Variants in GAN observed in about 807,000 individuals in gnomAD.
The protein encoded by GAN is gigaxonin.
A neutral mutation model predicts 71.3 loss-of-function variants in GAN; 48 were observed. The observed-to-expected ratio is 0.67, with a 90% confidence interval of 0.53 to 0.86. The LOEUF (loss-of-function observed/expected upper bound fraction) is 0.86. GAN is among the 40% of genes least tolerant of loss of function. The pLI is 0.00. For synonymous variants in GAN, 386 were observed against 276.8 expected (o/e 1.39, Z -3.92); for missense variants, 928 against 770.1 (o/e 1.21, Z -2.43).
In GAN at chr16:81,329,969, G is replaced by T. The variant is rs557675515; in HGVS notation, c.167+14689G>T. ...TGTCCTCCATTGACTGTGTGGGTTAGTATACTACCAGACTCCCCAGGAGAA... is the reference window on the plus strand; with the variant it reads ...TGTCCTCCATTGACTGTGTGGGTTATTATACTACCAGACTCCCCAGGAGAA... On this transcript the variant is annotated intron_variant, in intron 1 of 10. Transcript: ENST00000648994. Among the ~76,000 whole-genome samples, 14 of 152,306 alleles carry T rather than the reference G, an allele frequency of 9.2e-5. No homozygotes were observed. In the East Asian group the frequency reaches 1.5e-3, roughly 17 times the overall value.
rs368145366 is a variant in GAN at position 81,374,414 on chromosome 16, C to G, written c.1503-2805C>G. Among the ~76,000 whole-genome samples, 1,220 of 152,308 alleles carry G rather than the reference C, an allele frequency of 8.0e-3. 19 individuals are homozygous for G. The South Asian group carries it at 0.087, about 11-fold the overall frequency. On this transcript the variant is annotated intron_variant, in intron 9 of 10. Coordinates refer to ENST00000648994, the MANE Select transcript of GAN (RefSeq NM_022041.4). Reference sequence around the variant, plus strand: ...ACTGTCAAGCACTCATTTGAGCATCCACTGGTAGACCTAGCCTGCAGAAGT... The same window carrying G: ...ACTGTCAAGCACTCATTTGAGCATCGACTGGTAGACCTAGCCTGCAGAAGT...
intron 1 of GAN, among the ~76,000 whole-genome samples, chr16:81,332,742 C>G (rs1909625467): frequency 6.6e-6 from 1 of 152,186 alleles, no homozygotes; most frequent in African/African-American, 2.4e-5. Context: ...CTGGTGAGTA[C>G]TAGTCAGTTA....
chr16:81,324,055 A>G (rs937163763), intron 1 of GAN, among the ~76,000 whole-genome samples: 1 of 152,202 alleles, frequency 6.6e-6, no homozygotes, highest in Non-Finnish European at 1.5e-5. Context: ...TGAGCAGAGA[A>G]TAGATTTGCT....
At chr16:81,330,201 C>T (rs1471015122) in intron 1 of GAN, among the ~76,000 whole-genome samples, 1 of 152,210 alleles carries the variant, frequency 6.6e-6, no homozygotes, top group Non-Finnish European at 1.5e-5. Context: ...CTGCTCAGCC[C>T]CCGTCAGTCT....
intron 1 of GAN, among the ~76,000 whole-genome samples, chr16:81,328,860 C>G (rs1909477250): frequency 6.6e-6 from 1 of 152,088 alleles, no homozygotes; most frequent in South Asian, 2.1e-4. Context: ...CTTTGCAAGC[C>G]ACATGTGGTC....
At chr16:81,345,661 GT>G (rs1345902317) in intron 1 of GAN, among the ~76,000 whole-genome samples, 1 of 152,152 alleles carries the variant, frequency 6.6e-6, no homozygotes, top group African/African-American at 2.4e-5. Flanking sequence ...GGGTTAATGG[GT>G]TCAGCAAACC....
chr16:81,319,712 C>G (rs1909164126), intron 1 of GAN, among the ~76,000 whole-genome samples: 1 of 152,020 alleles, frequency 6.6e-6, no homozygotes, highest in Non-Finnish European at 1.5e-5. Context: ...CCCCCCGACC[C>G]CCCCTTATTT....
In GAN at chr16:81,383,261, T is replaced by G. The variant is rs1904316780; in HGVS notation, c.*5665T>G. 7.0e-6 allele frequency: 1 copy of G among 142,476 alleles called. No homozygotes were observed. 8.8% of individuals were successfully genotyped at this position (142,476 alleles called of 1,614,324 possible). A position where few individuals can be genotyped will look rare whatever the true frequency, so the allele number is the denominator to read the frequency against. On this transcript the variant is annotated 3_prime_UTR_variant, in exon 11 of 11. Transcript: ENST00000648994. ...CCCTCTCTTTTTTTTTTTTTTTTTT[T>G]TTTTTTTTTGAGACGGAGTCTCGCT...
Position 81,315,186 on chromosome 16 carries a change from G to C in GAN, c.73G>C (p.Glu25Gln). 2 of 1,574,616 alleles carry C rather than the reference G, an allele frequency of 1.3e-6. No individual in the cohort carries two copies. The highest frequency in any genetic ancestry group is 1.7e-6 in the Non-Finnish European group (2 of 1,162,860). The change falls in exon 1 of 11, where the codon GAG (glutamate) becomes CAG (glutamine). Residue 25 changes from glutamate to glutamine, a missense_variant. By Grantham distance (29) the Glu-to-Gln change is conservative. Coordinates refer to ENST00000648994, the MANE Select transcript of GAN (RefSeq NM_022041.4). ...GCTGCGAGCGCTCAGCTCTTTCCGC[G>C]AGGAGTCTCGCTTCTGCGACGCGCA... ...RLLRALSSFR[E>Q]ESRFCDAHLV... is the part of the protein sequence containing the mutation.
intron 9 of GAN, among the ~76,000 whole-genome samples, chr16:81,376,541 GTATATACACACATATACATA>G (rs1904280969): frequency 6.9e-6 from 1 of 144,114 alleles, no homozygotes; most frequent in African/African-American, 2.6e-5. Flanking sequence ...ATGTGTATAT[GTATATACACACATATACATA>G]TATATGTGTA....
intron 1 of GAN, among the ~76,000 whole-genome samples, chr16:81,338,795 G>C (rs17188615): frequency 0.21 from 32,133 of 152,148 alleles, 3,756 homozygotes; most frequent in Non-Finnish European, 0.27. Flanking sequence ...GACTGCTTCC[G>C]GATAGATTTG....
intron 1 of GAN, among the ~76,000 whole-genome samples, chr16:81,323,832 C>T (rs1909294340): frequency 6.6e-6 from 1 of 152,144 alleles, no homozygotes; most frequent in Non-Finnish European, 1.5e-5. Flanking sequence ...TCTTGTGCTG[C>T]CTGCCATTGG....
chr16:81,348,314 G>A (rs1294389239), intron 1 of GAN, among the ~76,000 whole-genome samples: 1 of 151,970 alleles, frequency 6.6e-6, no homozygotes, highest in African/African-American at 2.4e-5. Context: ...ACAATATCCT[G>A]TCTTTTCCCT....
At chr16:81,358,878 C>T (rs887057683) in intron 5 of GAN, among the ~76,000 whole-genome samples, 3 of 152,196 alleles carry the variant, frequency 2.0e-5, no homozygotes, top group Non-Finnish European at 2.9e-5. Context: ...TAATTGTGGT[C>T]AGCAGCCCTC....
rs192920655 is a variant in GAN at position 81,390,252 on chromosome 16, C to G, written c.*12656C>G. ...TCAGTAGGATAGTAGAGAAGTCGTG[C>G]TAAGTTGATTTCATTGAAATGTCAC... On this transcript the variant is annotated 3_prime_UTR_variant, in exon 11 of 11. Transcript: ENST00000648994. The G allele has an allele frequency of 6.6e-6, 1 of 152,154 alleles. No individual in the cohort carries two copies. Among genetic ancestry groups the G allele is most frequent in the Non-Finnish European group, 1.5e-5 (1 of 68,022 alleles). The allele number at this position is 152,154 out of a possible 1,614,324, so 9.4% of individuals were successfully genotyped here. A position where few individuals can be genotyped will look rare whatever the true frequency, so the allele number is the denominator to read the frequency against.
intron 6 of GAN, 68 bp downstream of exon 6, chr16:81,362,679 T>G: frequency 1.1e-6 from 1 of 916,608 alleles, no homozygotes. Flanking sequence ...GTTTGTTTTG[T>G]GTCTGAGTTC....
intron 3 of GAN, among the ~76,000 whole-genome samples, 157 bp downstream of exon 3, chr16:81,354,912 G>T (rs956294944): frequency 6.6e-6 from 1 of 152,100 alleles, no homozygotes; most frequent in Non-Finnish European, 1.5e-5. Context: ...GAAAGCAGTT[G>T]GTTTTTCAGA....
At chr16:81,377,092 C>A (rs183917072) in intron 9 of GAN, 127 bp from the exon 10 acceptor site, 1 of 771,786 alleles carries the variant, frequency 1.3e-6, no homozygotes, top group African/African-American at 1.7e-5. Flanking sequence ...GGCAGTGGAA[C>A]GTGGGGTCGA....
At chr16:81,349,102 G>T (rs189105201) in intron 1 of GAN, among the ~76,000 whole-genome samples, 1 of 152,272 alleles carries the variant, frequency 6.6e-6, no homozygotes, top group East Asian at 1.9e-4. Context: ...GGGAAGATGT[G>T]TATCCACATG....
Sources: gnomAD v4.1 joint callset for allele counts (sites outside exome capture counted in the v4.1 genomes callset) on GRCh38, gnomAD v4.1.1 for gene constraint, MANE v1.5 for transcripts, NCBI Gene and HGNC (gene_info 2026-07-23, HGNC 2026-07-21) for gene names.